The following ZNF483 variants were observed in gnomAD, a reference collection of about 807,000 sequenced individuals.
ZNF483 encodes the protein zinc finger protein 483.
In ZNF483, 9 loss-of-function variants were observed where a neutral mutation model predicts 28.6. The ratio of observed to expected loss-of-function variants is 0.32; its 90% CI spans 0.19 to 0.55. ZNF483 has a LOEUF of 0.55. Among genes scored for constraint, ZNF483 ranks in the 20% least tolerant of loss-of-function variants. The probability of loss-of-function intolerance (pLI) is 0.93; values close to 1 mark genes in which losing one functional copy is unlikely to be tolerated. For missense variants in ZNF483, 675 were observed against 871.7 expected, an observed-to-expected ratio of 0.77 and a Z score of 2.84; for synonymous variants, 322 against 306.2, an observed-to-expected ratio of 1.05 and a Z score of -0.54.
At chr9:111,575,085 G>T (rs893879456) in intron 5 of ZNF483, among the ~76,000 whole-genome samples, 2 of 152,162 alleles carry the variant, frequency 1.3e-5, no homozygotes, top group African/African-American at 4.8e-5. Context: ...TGGATCACCT[G>T]AGGTCAGGCG....
chr9:111,527,374 G>A lies in ZNF483; in HGVS notation c.-22G>A, dbSNP rs1230843229. The A allele has an allele frequency of 6.2e-7, 1 of 1,607,826 alleles. No homozygotes were observed. The highest frequency in any genetic ancestry group is 2.2e-5 in the East Asian group (1 of 44,824). Reference sequence around the variant, plus strand: ...TACTCAACTAGAGTGTGAAGGGACTGGATTCCTGCCCCTGAGACACAATGC... The same window carrying A: ...TACTCAACTAGAGTGTGAAGGGACTAGATTCCTGCCCCTGAGACACAATGC... On this transcript the variant is annotated 5_prime_UTR_variant, in exon 2 of 6. Coordinates refer to ENST00000309235, the MANE Select transcript of ZNF483 (RefSeq NM_133464.5).
chr9:111,576,244 G>A, intron 5 of ZNF483: 2 of 920,216 alleles, frequency 2.2e-6, no homozygotes, highest in Non-Finnish European at 3.3e-6. Context: ...ATATTTGCAA[G>A]CCATATAGAG....
intron 3 of ZNF483, among the ~76,000 whole-genome samples, chr9:111,532,207 C>T (rs570434047): frequency 1.9e-4 from 29 of 152,090 alleles, no homozygotes; most frequent in African/African-American, 6.5e-4. Flanking sequence ...TACCCGGGAT[C>T]TGAGGTGGTA....
At chr9:111,576,197 G>A (rs985239417) in intron 5 of ZNF483, among the ~76,000 whole-genome samples, 1 of 151,554 alleles carries the variant, frequency 6.6e-6, no homozygotes, top group African/African-American at 2.4e-5. Context: ...AACAAAAACA[G>A]AAAGAAGGTT....
chr9:111,570,053 A>C (rs1230175494), intron 5 of ZNF483: 2 of 1,612,702 alleles, frequency 1.2e-6, no homozygotes. Context: ...AGTGTGACCT[A>C]GTGTACAATT....
At chr9:111,568,189 T>TATAAATGG (rs1367648131) in intron 5 of ZNF483, among the ~76,000 whole-genome samples, 3 of 152,220 alleles carry the variant, frequency 2.0e-5, no homozygotes, top group Non-Finnish European at 4.4e-5. Flanking sequence ...GCAGAGAGCC[T>TATAAATGG]ATAAATGGAT....
chr9:111,572,790 T>TA (rs1300591454), intron 5 of ZNF483, among the ~76,000 whole-genome samples: 1 of 141,242 alleles, frequency 7.1e-6, no homozygotes, highest in African/African-American at 2.6e-5. Flanking sequence ...ATTAAAAAAT[T>TA]AAAAAAAAAA....
intron 5 of ZNF483, among the ~76,000 whole-genome samples, chr9:111,568,396 A>C (rs117911066): frequency 0.082 from 12,454 of 152,130 alleles, 691 homozygotes; most frequent in East Asian, 0.26. Flanking sequence ...GGTGGGGGAA[A>C]AACTCCGCCC....
chr9:111,534,178 G>T lies in ZNF483; in HGVS notation c.629-83G>T, dbSNP rs571412961. 5.7e-5 allele frequency: 67 copies of T among 1,175,618 alleles called. No homozygotes were observed. In the African/African-American group the frequency reaches 8.6e-4, roughly 15 times the overall value. The allele number at this position is 1,175,618 out of a possible 1,614,324, so 72.8% of individuals were successfully genotyped here. A position where few individuals can be genotyped will look rare whatever the true frequency, so the allele number is the denominator to read the frequency against. ...TGGTAGCATGTTTTTATCTTCCTTG[G>T]AGAACCAGAGGCTATATGTGAATGC... On this transcript the variant is annotated intron_variant, in intron 4 of 5. Transcript: ENST00000309235.
At chr9:111,570,916 G>A (rs1221749232) in intron 5 of ZNF483, among the ~76,000 whole-genome samples, 1 of 152,172 alleles carries the variant, frequency 6.6e-6, no homozygotes, top group Admixed American at 6.5e-5. Flanking sequence ...AGAATATGGG[G>A]TGATAGAAGC....
rs1827732517 is a variant in ZNF483, at chr9:111,543,760, C to CTTTCCTTTTTT, written c.*593_*594insCCTTTTTTTTT. 2 of 881,798 alleles carry CTTTCCTTTTTT rather than the reference C, an allele frequency of 2.3e-6. No individual in the cohort carries two copies. Among genetic ancestry groups the CTTTCCTTTTTT allele is most frequent in the African/African-American group, 4.1e-5 (2 of 48,524 alleles). The allele number at this position is 881,798 out of a possible 1,614,324, so 54.6% of individuals were successfully genotyped here. A position where few individuals can be genotyped will look rare whatever the true frequency, so the allele number is the denominator to read the frequency against. On this transcript the variant is annotated 3_prime_UTR_variant, in exon 6 of 6. Transcript: ENST00000309235. Reference sequence around the variant, plus strand: ...TACCACTATTCAGGATGCTGGACTTCTTTTCTTTTTTTTTTCTTTTTTTTT... The same window carrying CTTTCCTTTTTT: ...TACCACTATTCAGGATGCTGGACTTCTTTCCTTTTTTTTTTCTTTTTTTTTTCTTTTTTTTT...
chr9:111,543,759 TC>T lies in ZNF483; in HGVS notation c.*590del. 3.2e-6 allele frequency: 3 copies of T among 948,798 alleles called. No homozygotes were observed. Among genetic ancestry groups the T allele is most frequent in the Non-Finnish European group, 2.5e-6 (2 of 802,780 alleles). 58.8% of individuals were successfully genotyped at this position (948,798 alleles called of 1,614,324 possible). A position where few individuals can be genotyped will look rare whatever the true frequency, so the allele number is the denominator to read the frequency against. On this transcript the variant is annotated 3_prime_UTR_variant, in exon 6 of 6. Transcript: ENST00000309235. Reference sequence around the variant, plus strand: ...ATACCACTATTCAGGATGCTGGACTTCTTTTCTTTTTTTTTTCTTTTTTTTT... The same window carrying T: ...ATACCACTATTCAGGATGCTGGACTTTTTTCTTTTTTTTTTCTTTTTTTTT...
chr9:111,526,467 G>A (rs1358490407), intron 1 of ZNF483, among the ~76,000 whole-genome samples: 1 of 152,044 alleles, frequency 6.6e-6, no homozygotes, highest in Non-Finnish European at 1.5e-5. Context: ...GGAATTTTTT[G>A]GCCACAGTGT....
chr9:111,572,613 C>A (rs1828868776), intron 5 of ZNF483, among the ~76,000 whole-genome samples: 2 of 150,178 alleles, frequency 1.3e-5, no homozygotes, highest in East Asian at 3.9e-4. Context: ...AAACAATAGC[C>A]AGGTATGGTG....
intron 5 of ZNF483, chr9:111,570,258 A>G (rs1326741950): frequency 5.1e-6 from 8 of 1,580,950 alleles, no homozygotes; most frequent in Non-Finnish European, 6.9e-6. Context: ...GGAGGTGCCC[A>G]TGGTGAAACA....
In ZNF483 at chr9:111,548,172, T is replaced by G. The variant is rs536085460; in HGVS notation, c.*5002T>G. ...ATTTCAAATGAATTTTAGGATGGTT[T>G]GTTTGTTTTTGTGGAAAATGGCATG... On this transcript the variant is annotated 3_prime_UTR_variant, in exon 6 of 6. Transcript: ENST00000309235. Among the ~76,000 whole-genome samples the G allele has an allele frequency of 6.6e-6, 1 of 152,208 alleles. No individual in the cohort carries two copies. The highest frequency in any genetic ancestry group is 1.5e-5 in the Non-Finnish European group (1 of 68,028).
Position 111,542,344 on chromosome 9 carries a change from A to T in ZNF483, c.1409A>T (p.Asn470Ile). 1 of 1,614,120 alleles carries T rather than the reference A, an allele frequency of 6.2e-7. No individual in the cohort carries two copies. The highest frequency in any genetic ancestry group is 8.5e-7 in the Non-Finnish European group (1 of 1,180,020). The stretch of plus-strand genomic sequence containing the variant: ...ACTGGAGAAAAACCCTATATGTGTA[A>T]TGAATGTGGAAAAGCTTTTAGTGAT... ...IHTGEKPYMC[N>I]ECGKAFSDSS... Residue 470 changes from asparagine to isoleucine, a missense_variant, in exon 6 of 6, where the codon AAT becomes ATT. By Grantham distance (149) the Asn-to-Ile change is moderately radical. This residue lies in a region of ZNF483 where 525 missense variants were observed against 581.8 expected (regional missense o/e 0.90). Transcript: ENST00000309235. This position sits in a 1 kb window ranked among gnomAD's most constrained non-coding sequence, Gnocchi z 6.2.
Position 111,542,493 on chromosome 9 carries a change from G to GA in ZNF483, c.1563dup (p.Pro522ThrfsTer3). 6.2e-7 allele frequency: 1 copy of GA among 1,614,136 alleles called. No individual in the cohort carries two copies. The highest frequency in any genetic ancestry group is 1.1e-5 in the South Asian group (1 of 91,070). The stretch of plus-strand genomic sequence containing the variant: ...TAAACATCAGAGAATTCATACTGGA[G>GA]AAAAACCTTATAAATGTAAAGACTG... On this transcript the variant is annotated frameshift_variant, in exon 6 of 6. Coordinates refer to ENST00000309235, the MANE Select transcript of ZNF483 (RefSeq NM_133464.5). LOFTEE classifies it low-confidence loss of function (END_TRUNC). This position sits in a 1 kb window ranked among gnomAD's most constrained non-coding sequence, Gnocchi z 6.2.
At chr9:111,570,131 C>T (rs770310571) in intron 5 of ZNF483, 27 of 1,613,918 alleles carry the variant, frequency 1.7e-5, no homozygotes, top group Non-Finnish European at 2.0e-5. Context: ...AGCTTTTTGG[C>T]GGGCATCTCC....
Sources: gnomAD v4.1 joint callset for allele counts (sites outside exome capture counted in the v4.1 genomes callset) on GRCh38, gnomAD v4.1.1 for gene constraint, gnomAD v4.1.1 regional missense constraint, Gnocchi (gnomAD v3.1) non-coding constraint, MANE v1.5 for transcripts, NCBI Gene and HGNC (gene_info 2026-07-23, HGNC 2026-07-21) for gene names.